GRIK2: variants seen among roughly 807,000 people sequenced by gnomAD.
GRIK2 encodes the protein glutamate receptor ionotropic, kainate 2.
In GRIK2, 32 loss-of-function variants were observed where a neutral mutation model predicts 100.3. The observed-to-expected ratio is 0.32, with a 90% CI of 0.24 to 0.43. GRIK2 has a LOEUF of 0.43. GRIK2 is among the 20% of genes least tolerant of loss of function. The pLI, the probability that GRIK2 is intolerant of heterozygous loss-of-function variation, is 1.00. For synonymous variants in GRIK2, 417 were observed against 389.4 expected (o/e 1.07, Z -0.83); for missense variants, 843 against 1,114.9 (o/e 0.76, Z 3.47).
intron 7 of GRIK2, among the ~76,000 whole-genome samples, chr6:101,704,968 A>C (rs1293750897): frequency 6.8e-6 from 1 of 147,186 alleles, no homozygotes; most frequent in Non-Finnish European, 1.5e-5. Flanking sequence ...TAACTTTCAT[A>C]TATATTTATA....
intron 16 of GRIK2, among the ~76,000 whole-genome samples, chr6:102,056,215 C>T (rs77038353): frequency 6.6e-6 from 1 of 151,802 alleles, no homozygotes; most frequent in East Asian, 1.9e-4. Flanking sequence ...GTATAAACTT[C>T]AAAAATATTG....
intron 2 of GRIK2, among the ~76,000 whole-genome samples, chr6:101,608,143 G>C (rs1004812527): frequency 2.6e-5 from 4 of 151,692 alleles, no homozygotes; most frequent in African/African-American, 9.7e-5. Context: ...GAAGTGATTT[G>C]CCTAAGGCCA....
At chr6:102,034,186 C>T (rs906438662) in intron 14 of GRIK2, among the ~76,000 whole-genome samples, 7 of 151,294 alleles carry the variant, frequency 4.6e-5, no homozygotes, top group African/African-American at 1.7e-4. Flanking sequence ...CTTTATAGAG[C>T]ACTCATTGTA....
chr6:101,796,692 T>C (rs531974638), intron 7 of GRIK2, among the ~76,000 whole-genome samples: 6 of 152,266 alleles, frequency 3.9e-5, no homozygotes, highest in African/African-American at 1.4e-4. Context: ...TTTAGATTAC[T>C]TGTACCTTTT....
intron 2 of GRIK2, among the ~76,000 whole-genome samples, chr6:101,536,429 A>G (rs1775695767): frequency 2.0e-5 from 3 of 151,710 alleles, no homozygotes; most frequent in Non-Finnish European, 4.4e-5. Flanking sequence ...TTCTCCAGAC[A>G]CAAAATCTAA....
intron 7 of GRIK2, among the ~76,000 whole-genome samples, chr6:101,750,443 T>C (rs1776716377): frequency 6.6e-6 from 1 of 152,178 alleles, no homozygotes; most frequent in South Asian, 2.1e-4. Context: ...CATTCAATCA[T>C]ACTCATTGGG....
intron 2 of GRIK2, among the ~76,000 whole-genome samples, chr6:101,402,751 C>G (rs1218600642): frequency 6.6e-6 from 1 of 152,188 alleles, no homozygotes; most frequent in Non-Finnish European, 1.5e-5. Context: ...GGAGCAGAGC[C>G]TGCGACTCTC....
At chr6:102,060,849 G>A (rs1771713854) in intron 16 of GRIK2, among the ~76,000 whole-genome samples, 1 of 150,404 alleles carries the variant, frequency 6.6e-6, no homozygotes, top group African/African-American at 2.4e-5. Context: ...TTCTTAAAAT[G>A]CGTTTCACAG....
Position 101,761,839 on chromosome 6 carries a change from C to CTTTGTTTCT in GRIK2, c.952-37806_952-37805insGTTTCTTTT, listed in dbSNP as rs1410630051. On this transcript the variant is annotated intron_variant, in intron 7 of 16. Transcript: ENST00000369134. ...TTCTTTTCTTTTCTTCCTTTGTTTC[C>CTTTGTTTCT]TTTCCTTCCTTCCCTTCCTTTCCTT... is the stretch of plus-strand genomic sequence containing the variant. 5.3e-4 allele frequency among the ~76,000 whole-genome samples: 67 copies of CTTTGTTTCT among 125,786 alleles called. 1 individual carries two copies. The highest frequency in any genetic ancestry group is 2.0e-3 in the African/African-American group (66 of 32,234). The allele number at this position is 125,786 out of a possible 152,430, so 82.5% of individuals were successfully genotyped here. A position where few individuals can be genotyped will look rare whatever the true frequency, so the allele number is the denominator to read the frequency against.
At chr6:101,702,591 G>A (rs1200046738) in intron 7 of GRIK2, among the ~76,000 whole-genome samples, 1 of 151,840 alleles carries the variant, frequency 6.6e-6, no homozygotes, top group African/African-American at 2.4e-5. Context: ...TATGTCTCAA[G>A]CACTGTTTTT....
At chr6:101,856,173 A>G (rs185081348) in intron 10 of GRIK2, among the ~76,000 whole-genome samples, 223 of 152,286 alleles carry the variant, frequency 1.5e-3, no homozygotes, top group Non-Finnish European at 2.5e-3. Context: ...AGGTAATTCA[A>G]TGTATCCTTC....
rs1014039210 is a variant in GRIK2, at chr6:101,457,163, C to T, written c.115+57771C>T. Among the ~76,000 whole-genome samples, 17 of 152,170 alleles carry T rather than the reference C, an allele frequency of 1.1e-4. No homozygotes were observed. In the South Asian group the frequency reaches 1.2e-3, roughly 11 times the overall value. On this transcript the variant is annotated intron_variant, in intron 2 of 16. Transcript: ENST00000369134. ...GATATGTAACTGTCAGTAATCAAGCCATTGCATAGGAATTTATGAACAAAT... is the reference window on the plus strand; with the variant it reads ...GATATGTAACTGTCAGTAATCAAGCTATTGCATAGGAATTTATGAACAAAT...
chr6:101,983,653 C>T (rs1394305337), intron 14 of GRIK2, among the ~76,000 whole-genome samples: 3 of 151,670 alleles, frequency 2.0e-5, no homozygotes, highest in Admixed American at 6.6e-5. Context: ...CTTGGTATTC[C>T]TCTTACATTT....
chr6:101,683,326 T>C (rs1771429966), intron 6 of GRIK2, among the ~76,000 whole-genome samples: 1 of 152,262 alleles, frequency 6.6e-6, no homozygotes, highest in Non-Finnish European at 1.5e-5. Context: ...TTTTCTATTC[T>C]GCTTTTGCCT....
chr6:101,564,277 C>A (rs1432606442), intron 2 of GRIK2, among the ~76,000 whole-genome samples: 2 of 152,202 alleles, frequency 1.3e-5, no homozygotes, highest in Non-Finnish European at 2.9e-5. Context: ...TTGTGCACAG[C>A]TGTGGCATGG....
At chr6:101,722,945 CCTT>C (rs1168085045) in intron 7 of GRIK2, among the ~76,000 whole-genome samples, 1 of 151,988 alleles carries the variant, frequency 6.6e-6, no homozygotes, top group Non-Finnish European at 1.5e-5. Flanking sequence ...AGGGTCCAAT[CCTT>C]CTTATCAGGG....
At chr6:101,787,132 A>ATT (rs142804670) in intron 7 of GRIK2, among the ~76,000 whole-genome samples, 2 of 151,086 alleles carry the variant, frequency 1.3e-5, no homozygotes, top group Non-Finnish European at 1.5e-5. Flanking sequence ...GTCTTTTAGG[A>ATT]TTTTTTTGTA....
intron 10 of GRIK2, among the ~76,000 whole-genome samples, chr6:101,858,689 T>C (rs1340322699): frequency 6.6e-6 from 1 of 151,952 alleles, no homozygotes; most frequent in East Asian, 1.9e-4. Flanking sequence ...GTGCCTGGCC[T>C]TCTTCATCTA....
chr6:101,844,035 CTGAA>C (rs1169047225), intron 10 of GRIK2, among the ~76,000 whole-genome samples: 1 of 151,778 alleles, frequency 6.6e-6, no homozygotes. Flanking sequence ...ATAGATTATA[CTGAA>C]TGAATGATTA....
Sources: gnomAD v4.1 joint callset for allele counts (sites outside exome capture counted in the v4.1 genomes callset) on GRCh38, gnomAD v4.1.1 for gene constraint, MANE v1.5 for transcripts, NCBI Gene and HGNC (gene_info 2026-07-23, HGNC 2026-07-21) for gene names.